MIS18A: variants seen among roughly 807,000 people sequenced by gnomAD.
The protein encoded by MIS18A is protein Mis18-alpha.
A neutral mutation model predicts 25.0 loss-of-function variants in MIS18A; 14 were observed. That is an observed-to-expected ratio of 0.56 (90% CI 0.37 to 0.88). The LOEUF is 0.88. MIS18A is among the 40% of genes least tolerant of loss of function. MIS18A has a pLI of 0.00. For synonymous variants in MIS18A, 134 were observed against 118.6 expected (o/e 1.13, Z -0.84); for missense variants, 292 against 290.8 (o/e 1.00, Z -0.03).
At chr21:32,199,444 T>TA in the MIS18A span, among the ~76,000 whole-genome samples, 1 of 151,494 alleles carries the variant, frequency 6.6e-6, no homozygotes, top group Non-Finnish European at 1.5e-5. Flanking sequence ...AAAAAAAATT[T>TA]AAAAAAAAGA....
the MIS18A span, among the ~76,000 whole-genome samples, chr21:32,219,625 G>A: frequency 6.6e-6 from 1 of 152,190 alleles, no homozygotes; most frequent in Non-Finnish European, 1.5e-5. Context: ...CAGCAAGACA[G>A]AACGGTTCAC....
chr21:32,185,257 C>T, the MIS18A span, among the ~76,000 whole-genome samples: 5 of 152,176 alleles, frequency 3.3e-5, no homozygotes, highest in Admixed American at 3.3e-4. Context: ...CTCCCCCTCA[C>T]TCACTCCTCC....
chr21:32,278,825 T>C lies in MIS18A; in HGVS notation c.190A>G (p.Met64Val), dbSNP rs151033812. 5.1e-5 allele frequency: 81 copies of C among 1,603,184 alleles called. No homozygotes were observed. In the African/African-American group the frequency reaches 8.8e-4, roughly 17 times the overall value. ...TCCTCCTCCAGCTGCGCCCTCTCCA[T>C]GTCGGCCACCGACGCGTCTTCGCTC... ...SMSEDASVAD[M>V]ERAQLEEEAA... The change falls in exon 1 of 5, where the codon ATG (methionine) becomes GTG (valine). Residue 64 changes from methionine (M) to valine (V), a missense_variant. Physicochemically the swap from Met to Val is conservative, Grantham distance 21 (BLOSUM62 1). Transcript: ENST00000290130.
the MIS18A span, among the ~76,000 whole-genome samples, chr21:32,156,010 C>A: frequency 2.6e-5 from 4 of 151,938 alleles, no homozygotes; most frequent in Admixed American, 6.6e-5. Context: ...AAATTACAAT[C>A]TGAATTTTGG....
the MIS18A span, among the ~76,000 whole-genome samples, chr21:32,232,940 G>T: frequency 6.6e-6 from 1 of 152,134 alleles, no homozygotes; most frequent in Non-Finnish European, 1.5e-5. Context: ...CAGAGATGGA[G>T]AATCAATGGG....
the MIS18A span, among the ~76,000 whole-genome samples, chr21:32,245,466 A>G: frequency 1.3e-5 from 2 of 152,204 alleles, no homozygotes; most frequent in Non-Finnish European, 2.9e-5. Flanking sequence ...AAGAGTCAAA[A>G]TTCTCTGCAT....
chr21:32,166,402 G>A, the MIS18A span, among the ~76,000 whole-genome samples: 2 of 152,128 alleles, frequency 1.3e-5, no homozygotes, highest in African/African-American at 4.8e-5. Context: ...AGAAACCAGA[G>A]CACTGGAGAA....
Position 32,269,011 on chromosome 21 carries a change from G to A in MIS18A, c.*26C>T, listed in dbSNP as rs1048002. On this transcript the variant is annotated 3_prime_UTR_variant, in exon 5 of 5. Transcript: ENST00000290130. The stretch of plus-strand genomic sequence containing the variant: ...ACAAATAAGGGGAGGAAGGGCGGGG[G>A]CAGAATGGAGGACACAGACTAGAGT... The A allele has an allele frequency of 2.6e-6, 4 of 1,517,512 alleles. No homozygotes were observed. The highest frequency in any genetic ancestry group is 1.2e-5 in the South Asian group (1 of 80,722). 94.0% of individuals were successfully genotyped at this position (1,517,512 alleles called of 1,614,324 possible). A position where few individuals can be genotyped will look rare whatever the true frequency, so the allele number is the denominator to read the frequency against.
chr21:32,228,083 T>G, the MIS18A span, among the ~76,000 whole-genome samples: 1 of 152,090 alleles, frequency 6.6e-6, no homozygotes, highest in Non-Finnish European at 1.5e-5. Flanking sequence ...CATCGTCTTT[T>G]TTTGTTTGTT....
chr21:32,180,422 T>C, the MIS18A span, among the ~76,000 whole-genome samples: 1 of 152,204 alleles, frequency 6.6e-6, no homozygotes, highest in African/African-American at 2.4e-5. Context: ...CCGTCTATAG[T>C]TGACCATCCT....
chr21:32,203,588 A>G, the MIS18A span, among the ~76,000 whole-genome samples: 1 of 149,334 alleles, frequency 6.7e-6, no homozygotes, highest in South Asian at 2.1e-4. Flanking sequence ...CTATCAATCA[A>G]GTGGGATAAA....
chr21:32,181,608 C>T, the MIS18A span, among the ~76,000 whole-genome samples: 1 of 152,146 alleles, frequency 6.6e-6, no homozygotes, highest in Admixed American at 6.5e-5. Context: ...GCCCCGCCTG[C>T]TGCTGCTGGG....
At chr21:32,266,258 T>C (rs2031598195), downstream of MIS18A, among the ~76,000 whole-genome samples, 1 of 152,150 alleles carries the variant, frequency 6.6e-6, no homozygotes, top group South Asian at 2.1e-4. Flanking sequence ...GATGGGGACG[T>C]GGAGAACCTT....
the MIS18A span, among the ~76,000 whole-genome samples, chr21:32,183,457 G>A: frequency 2.6e-5 from 4 of 152,150 alleles, no homozygotes; most frequent in African/African-American, 9.7e-5. Context: ...TATACAATAA[G>A]TATAATATGT....
At chr21:32,173,134 C>T in the MIS18A span, among the ~76,000 whole-genome samples, 1 of 152,074 alleles carries the variant, frequency 6.6e-6, no homozygotes, top group South Asian at 2.1e-4. Context: ...GTCTTTGGTG[C>T]TTCAAAGAAG....
downstream of MIS18A, among the ~76,000 whole-genome samples, chr21:32,266,574 G>A (rs993523701): frequency 1.3e-5 from 2 of 151,972 alleles, no homozygotes; most frequent in African/African-American, 2.4e-5. Context: ...CCACCGGGAG[G>A]AACGAACAAC....
At chr21:32,205,166 T>A in the MIS18A span, among the ~76,000 whole-genome samples, 1 of 130,790 alleles carries the variant, frequency 7.6e-6, no homozygotes, top group Non-Finnish European at 1.6e-5. Flanking sequence ...GTGCAGTGGC[T>A]CGATCTCGGC....
At chr21:32,229,798 A>G in the MIS18A span, among the ~76,000 whole-genome samples, 1 of 152,254 alleles carries the variant, frequency 6.6e-6, no homozygotes, top group Non-Finnish European at 1.5e-5. Flanking sequence ...TAAGACTCAC[A>G]GTAAGAGGCC....
At chr21:32,156,947 C>T in the MIS18A span, among the ~76,000 whole-genome samples, 1 of 152,002 alleles carries the variant, frequency 6.6e-6, no homozygotes, top group Non-Finnish European at 1.5e-5. Context: ...CTAGGTACTT[C>T]ACTTGGTATT....
Sources: allele counts gnomAD v4.1 joint callset (sites outside exome capture counted in the v4.1 genomes callset), GRCh38; gene constraint gnomAD v4.1.1; transcripts MANE v1.5; gene names NCBI Gene and HGNC (gene_info 2026-07-23, HGNC 2026-07-21).